The following MAST4 variants were observed in gnomAD, a reference collection of about 807,000 sequenced individuals.
MAST4 encodes the protein microtubule associated serine/threonine kinase family member 4.
In MAST4, 89 loss-of-function variants were observed where a neutral mutation model predicts 162.7. The ratio of observed to expected loss-of-function variants is 0.55; its 90% CI spans 0.46 to 0.65. MAST4 has a LOEUF of 0.65. Ranked by LOEUF, MAST4 falls within the 30% of genes least tolerant of loss-of-function variation. The pLI is 0.00. For synonymous variants in MAST4, 1,479 were observed against 1,361.1 expected (o/e 1.09, Z -1.91); for missense variants, 3,153 against 3,374.0 (o/e 0.93, Z 1.62).
At chr5:67,084,127 T>A (rs1214153511) in intron 5 of MAST4, among the ~76,000 whole-genome samples, 1 of 152,202 alleles carries the variant, frequency 6.6e-6, no homozygotes, top group African/African-American at 2.4e-5. Context: ...TCTGTGCAAG[T>A]CTTATGACAA....
chr5:67,029,290 A>G (rs1194309367), intron 4 of MAST4, among the ~76,000 whole-genome samples: 1 of 152,132 alleles, frequency 6.6e-6, no homozygotes, highest in African/African-American at 2.4e-5. Context: ...AGAGAAATGG[A>G]GGTGGGGATG....
intron 1 of MAST4, among the ~76,000 whole-genome samples, chr5:66,732,106 A>C (rs1288180496): frequency 6.6e-6 from 1 of 151,716 alleles, no homozygotes; most frequent in African/African-American, 2.4e-5. Flanking sequence ...TTCCTAGACT[A>C]CTGCTTGTGT....
intron 1 of MAST4, among the ~76,000 whole-genome samples, chr5:66,712,995 T>C (rs1263487808): frequency 6.6e-6 from 1 of 152,186 alleles, no homozygotes; most frequent in Non-Finnish European, 1.5e-5. Context: ...TCCAAAAATG[T>C]TTGTCCCTGA....
At chr5:66,865,789 A>T (rs1319191491) in intron 3 of MAST4, among the ~76,000 whole-genome samples, 1 of 152,134 alleles carries the variant, frequency 6.6e-6, no homozygotes, top group Non-Finnish European at 1.5e-5. Flanking sequence ...AAAATCTGGA[A>T]ATAGGCCAGG....
intron 4 of MAST4, among the ~76,000 whole-genome samples, chr5:66,945,972 G>T: frequency 6.6e-6 from 1 of 152,140 alleles, no homozygotes; most frequent in East Asian, 1.9e-4. Flanking sequence ...ATATTTGTGT[G>T]TTAGGTAGAA....
At chr5:67,046,490 C>T (rs565886751) in intron 4 of MAST4, among the ~76,000 whole-genome samples, 32 of 152,268 alleles carry the variant, frequency 2.1e-4, no homozygotes, top group African/African-American at 7.0e-4. Context: ...AGTCTTATCT[C>T]TCCTTTTATA....
chr5:67,004,587 C>T (rs754897724), intron 4 of MAST4: 2 of 168,802 alleles, frequency 1.2e-5, no homozygotes, highest in Non-Finnish European at 2.6e-5. Context: ...TCGTCTCCCC[C>T]GCCCCTCGCA....
chr5:66,698,401 G>T (rs547510007), intron 1 of MAST4, among the ~76,000 whole-genome samples: 1 of 150,538 alleles, frequency 6.6e-6, no homozygotes, highest in South Asian at 2.1e-4. Context: ...CCCTTCTTAG[G>T]CTACTGTGTC....
chr5:66,647,991 G>A (rs1005844230), intron 1 of MAST4, among the ~76,000 whole-genome samples: 3 of 150,550 alleles, frequency 2.0e-5, no homozygotes, highest in Non-Finnish European at 4.4e-5. Flanking sequence ...GGAAATTCCT[G>A]ACTTCATCTG....
At chr5:67,096,523 C>T (rs1581544430) in intron 7 of MAST4, among the ~76,000 whole-genome samples, 1 of 152,194 alleles carries the variant, frequency 6.6e-6, no homozygotes, top group East Asian at 1.9e-4. Flanking sequence ...GGATATCCAT[C>T]TATTGTATTT....
intron 14 of MAST4, 120 bp from the exon 15 acceptor site, chr5:67,130,090 C>G: frequency 1.2e-6 from 1 of 852,304 alleles, no homozygotes; most frequent in Middle Eastern, 2.6e-4. Flanking sequence ...CTTGTGTGAG[C>G]TACATTCCAC....
chr5:66,668,979 A>G (rs1747442909), intron 1 of MAST4, among the ~76,000 whole-genome samples: 1 of 152,176 alleles, frequency 6.6e-6, no homozygotes, highest in Non-Finnish European at 1.5e-5. Flanking sequence ...AGAGGGAAAA[A>G]AGCACCCAGG....
At chr5:67,122,677 A>G (rs867839688) in intron 14 of MAST4, among the ~76,000 whole-genome samples, 6 of 152,312 alleles carry the variant, frequency 3.9e-5, no homozygotes, top group South Asian at 4.1e-4. Flanking sequence ...TAGCAGTGGA[A>G]TTCTGGAATA....
At chr5:66,638,206 A>G (rs570680436) in intron 1 of MAST4, among the ~76,000 whole-genome samples, 3 of 152,110 alleles carry the variant, frequency 2.0e-5, no homozygotes, top group Non-Finnish European at 4.4e-5. Context: ...TTCCTTTGGC[A>G]GTCTGGGCAG....
chr5:66,853,418 A>T (rs1163297669), intron 3 of MAST4, among the ~76,000 whole-genome samples: 1 of 150,736 alleles, frequency 6.6e-6, no homozygotes, highest in Non-Finnish European at 1.5e-5. Flanking sequence ...ATTTTTAAAA[A>T]TAAATAGTAT....
chr5:66,880,445 G>A (rs922931038), intron 3 of MAST4, among the ~76,000 whole-genome samples: 2 of 152,118 alleles, frequency 1.3e-5, no homozygotes, highest in Non-Finnish European at 2.9e-5. Flanking sequence ...TCCAAAAAAA[G>A]TGGGTTTTTT....
At chr5:66,703,574 G>GT (rs1735012408) in intron 1 of MAST4, among the ~76,000 whole-genome samples, 1 of 152,098 alleles carries the variant, frequency 6.6e-6, no homozygotes, top group Non-Finnish European at 1.5e-5. Context: ...GTGGAGTGTT[G>GT]TTTTTTAACA....
At chr5:66,900,719 A>T (rs1580811823) in intron 4 of MAST4, among the ~76,000 whole-genome samples, 1 of 32,198 alleles carries the variant, frequency 3.1e-5, no homozygotes, top group African/African-American at 1.8e-4. Flanking sequence ...CACCTCCTTT[A>T]AAAAAAAATA....
At chr5:66,823,199 C>G (rs1230862195) in intron 3 of MAST4, among the ~76,000 whole-genome samples, 1 of 152,154 alleles carries the variant, frequency 6.6e-6, no homozygotes, top group Non-Finnish European at 1.5e-5. Context: ...TGAGGCCTCC[C>G]CAGCCATGCT....
Sources: gnomAD v4.1 joint callset for allele counts (sites outside exome capture counted in the v4.1 genomes callset) on GRCh38, gnomAD v4.1.1 for gene constraint, MANE v1.5 for transcripts, NCBI Gene and HGNC (gene_info 2026-07-23, HGNC 2026-07-21) for gene names.